Variants in LRP1B observed in about 807,000 individuals in gnomAD.
The protein encoded by LRP1B is LDL receptor related protein 1B, also known as low-density lipoprotein receptor-related protein 1B.
Under a neutral mutation model 556.6 loss-of-function variants are expected in LRP1B, and 217 were observed. That is an observed-to-expected ratio of 0.39 (90% CI 0.35 to 0.44). The LOEUF (loss-of-function observed/expected upper bound fraction) is 0.44. Among genes scored for constraint, LRP1B ranks in the 20% least tolerant of loss-of-function variants. LRP1B has a pLI of 1.00. For synonymous variants in LRP1B, 2,047 were observed against 1,865.8 expected (o/e 1.10, Z -2.50); for missense variants, 5,053 against 5,620.8 (o/e 0.90, Z 3.23).
chr2:140,960,085 A>C (rs1035916950), intron 18 of LRP1B, among the ~76,000 whole-genome samples: 2 of 151,680 alleles, frequency 1.3e-5, no homozygotes, highest in Non-Finnish European at 3.0e-5. Flanking sequence ...AAAATAATAC[A>C]CCTTGAGATT....
intron 11 of LRP1B, among the ~76,000 whole-genome samples, chr2:141,039,855 A>G (rs748584185): frequency 2.0e-5 from 3 of 152,054 alleles, no homozygotes; most frequent in Admixed American, 2.0e-4. Context: ...TATTGGTTCA[A>G]ATTACTTTTC....
chr2:141,645,061 AAT>A (rs1308619169), intron 2 of LRP1B, among the ~76,000 whole-genome samples: 1 of 152,090 alleles, frequency 6.6e-6, no homozygotes, highest in East Asian at 1.9e-4. Flanking sequence ...TTTTCTAATA[AAT>A]ATGTGGTCTT....
At chr2:140,410,788 T>C (rs1684940025) in intron 66 of LRP1B, among the ~76,000 whole-genome samples, 1 of 152,114 alleles carries the variant, frequency 6.6e-6, no homozygotes, top group Admixed American at 6.5e-5. Flanking sequence ...TCCTATTAGG[T>C]TTTAGAAAGA....
At chr2:141,419,738 T>C (rs1322477185) in intron 3 of LRP1B, among the ~76,000 whole-genome samples, 1 of 152,090 alleles carries the variant, frequency 6.6e-6, no homozygotes, top group African/African-American at 2.4e-5. Flanking sequence ...ATTGTTTCTA[T>C]ATTTCTATCT....
At chr2:140,400,036 T>C (rs566370044) in intron 66 of LRP1B, among the ~76,000 whole-genome samples, 32 of 152,316 alleles carry the variant, frequency 2.1e-4, no homozygotes, top group African/African-American at 7.7e-4. Context: ...CTTGAGATGT[T>C]GAGAGTCCCT....
intron 68 of LRP1B, among the ~76,000 whole-genome samples, chr2:140,375,362 C>T (rs1161969152): frequency 6.6e-6 from 1 of 152,038 alleles, no homozygotes; most frequent in Non-Finnish European, 1.5e-5. Flanking sequence ...TTTTCTCACA[C>T]TTAAAATTAG....
intron 2 of LRP1B, among the ~76,000 whole-genome samples, chr2:141,772,300 T>A (rs778669616): frequency 1.3e-5 from 2 of 152,146 alleles, no homozygotes; most frequent in Non-Finnish European, 2.9e-5. Context: ...CCAAACTGAC[T>A]AGGAAAACTA....
At chr2:141,153,133 T>C (rs541134382) in intron 7 of LRP1B, among the ~76,000 whole-genome samples, 150 of 147,480 alleles carry the variant, frequency 1.0e-3, no homozygotes, top group Middle Eastern at 4.2e-3. Flanking sequence ...TGTAGATTTC[T>C]TCCATTTAAC....
At chr2:141,505,209 G>A (rs774710585) in intron 2 of LRP1B, among the ~76,000 whole-genome samples, 12 of 146,996 alleles carry the variant, frequency 8.2e-5, no homozygotes, top group Non-Finnish European at 1.2e-4. Flanking sequence ...GTCTATAAAA[G>A]CTCCAATGGT....
chr2:140,615,281 C>G (rs1440425830), intron 41 of LRP1B, among the ~76,000 whole-genome samples: 1 of 152,086 alleles, frequency 6.6e-6, no homozygotes, highest in African/African-American at 2.4e-5. Flanking sequence ...AAGACAGCTT[C>G]AACCCTCTAT....
At chr2:141,935,696 G>A (rs1010529861) in intron 1 of LRP1B, among the ~76,000 whole-genome samples, 4 of 152,156 alleles carry the variant, frequency 2.6e-5, no homozygotes, top group African/African-American at 9.7e-5. Context: ...ATCAATAGGA[G>A]ACATTTCTAA....
At chr2:140,410,529 C>G (rs1353560669) in intron 66 of LRP1B, among the ~76,000 whole-genome samples, 1 of 148,364 alleles carries the variant, frequency 6.7e-6, no homozygotes, top group African/African-American at 2.4e-5. Flanking sequence ...ATCAGAGAGA[C>G]AGCACGCTAT....
intron 43 of LRP1B, among the ~76,000 whole-genome samples, chr2:140,566,630 C>A (rs1172768534): frequency 6.6e-6 from 1 of 152,112 alleles, no homozygotes; most frequent in African/African-American, 2.4e-5. Context: ...TTTGATGGAG[C>A]CACTCCATAT....
intron 32 of LRP1B, among the ~76,000 whole-genome samples, chr2:140,790,725 G>T (rs1000399139): frequency 6.6e-6 from 1 of 152,174 alleles, no homozygotes; most frequent in Non-Finnish European, 1.5e-5. Flanking sequence ...TCCTCTTGGA[G>T]ATTGTAAACA....
chr2:141,625,797 C>T (rs1688684534), intron 2 of LRP1B, among the ~76,000 whole-genome samples: 1 of 152,084 alleles, frequency 6.6e-6, no homozygotes, highest in Non-Finnish European at 1.5e-5. Flanking sequence ...TTTCCCAGGA[C>T]TCTTTCTTGA....
At chr2:141,927,734 C>T (rs1379349413) in intron 1 of LRP1B, among the ~76,000 whole-genome samples, 12 of 151,862 alleles carry the variant, frequency 7.9e-5, no homozygotes, top group African/African-American at 2.7e-4. Flanking sequence ...GGCTTTTCTG[C>T]ACTTGCATGA....
intron 2 of LRP1B, among the ~76,000 whole-genome samples, chr2:141,579,141 CTCT>C (rs1247263605): frequency 2.0e-5 from 3 of 152,104 alleles, no homozygotes; most frequent in African/African-American, 4.8e-5. Context: ...AATTTATTTA[CTCT>C]TCTTCTTTCT....
chr2:141,294,044 T>C (rs1227091633), intron 3 of LRP1B, among the ~76,000 whole-genome samples: 1 of 152,128 alleles, frequency 6.6e-6, no homozygotes, highest in Non-Finnish European at 1.5e-5. Flanking sequence ...TAACATCAAA[T>C]TGTAGGTATT....
At chr2:140,597,492 G>A (rs928739880) in intron 43 of LRP1B, among the ~76,000 whole-genome samples, 2 of 152,022 alleles carry the variant, frequency 1.3e-5, no homozygotes, top group African/African-American at 4.8e-5. Context: ...TATATACTAG[G>A]TTTATTTAGA....
Sources: allele counts gnomAD v4.1 joint callset (sites outside exome capture counted in the v4.1 genomes callset), GRCh38; gene constraint gnomAD v4.1.1; transcripts MANE v1.5; gene names NCBI Gene and HGNC (gene_info 2026-07-23, HGNC 2026-07-21).